EYA3: variants seen among roughly 807,000 people sequenced by gnomAD.
EYA3 encodes protein phosphatase EYA3.
In EYA3, 39 loss-of-function variants were observed where a neutral mutation model predicts 80.0. That is an observed-to-expected ratio of 0.49 (90% confidence interval 0.38 to 0.64). The LOEUF is 0.64. Among genes scored for constraint, EYA3 ranks in the 30% least tolerant of loss-of-function variants. The pLI is 0.00. For missense variants in EYA3, 523 were observed against 676.1 expected (o/e 0.77, Z 2.51); for synonymous variants, 206 against 232.8 (o/e 0.88, Z 1.05).
chr1:28,079,440 A>G (rs1354873539), intron 1 of EYA3, among the ~76,000 whole-genome samples: 1 of 152,194 alleles, frequency 6.6e-6, no homozygotes, highest in Non-Finnish European at 1.5e-5. Flanking sequence ...GACTTGGGCC[A>G]GAAGAGAGCA....
At chr1:28,047,860 C>T (rs1330953555) in intron 3 of EYA3, among the ~76,000 whole-genome samples, 4 of 151,970 alleles carry the variant, frequency 2.6e-5, no homozygotes, top group Admixed American at 6.5e-5. Flanking sequence ...AGGATGGTCT[C>T]GATCTCCTGA....
chr1:28,048,064 T>A (rs1413678508), intron 3 of EYA3, among the ~76,000 whole-genome samples: 5 of 152,224 alleles, frequency 3.3e-5, no homozygotes, highest in Admixed American at 6.5e-5. Context: ...CTGTATATTG[T>A]ACGTCTGACT....
intron 5 of EYA3, 100 bp from the exon 6 acceptor site, chr1:28,035,780 A>G: frequency 9.0e-7 from 1 of 1,113,748 alleles, no homozygotes; most frequent in Non-Finnish European, 1.3e-6. Context: ...AATCTGCAAC[A>G]AGGAGACTAA....
rs1200176592 is a variant in EYA3, at chr1:28,042,589, G to C, written c.139C>G (p.Leu47Val). 1 of 1,613,928 alleles carries C rather than the reference G, an allele frequency of 6.2e-7. No individual in the cohort carries two copies. The highest frequency in any genetic ancestry group is 1.3e-5 in the African/African-American group (1 of 74,928). Residue 47 changes from leucine to valine, a missense_variant, in exon 4 of 18, where the codon CTT becomes GTT. Physicochemically the swap from Leu to Val is conservative, Grantham distance 32 (BLOSUM62 1). Around this residue, in one of 2 missense-constraint regions of EYA3, gnomAD observed 304 missense variants for 343.3 expected, o/e 0.89. Coordinates refer to ENST00000373871, the MANE Select transcript of EYA3 (RefSeq NM_001990.4). ...KPETSSLASN[L>V]PMSEEIMTCT... is the part of the protein sequence containing the mutation. ...TACTTACTTTCCTCTGACATGGGAA[G>C]GTTTGAAGCAAGGCTTGATGTTTCA... is the stretch of plus-strand genomic sequence containing the variant.
rs778665830 is a variant in EYA3 at position 28,035,602 on chromosome 1, C to T, written c.303G>A (p.Gln101=). 2.5e-6 allele frequency: 4 copies of T among 1,613,892 alleles called. No individual in the cohort carries two copies. Among genetic ancestry groups the T allele is most frequent in the African/African-American group, 1.3e-5 (1 of 75,048 alleles). ...GAGGGTAGACAGCATAGGGTTGAGT[C>T]TGCTGTAGTGTCTGGTATTGAGTCT... ...PGQTQYQTLQ[Q]TQPYAVYPQA... is the part of the protein sequence containing the mutation. The change falls in exon 6 of 18, where the codon CAG becomes CAA. Residue 101 remains glutamine, a synonymous_variant. Transcript: ENST00000373871.
intron 16 of EYA3, among the ~76,000 whole-genome samples, chr1:27,984,641 T>C (rs761302230): frequency 4.3e-4 from 66 of 152,346 alleles, no homozygotes; most frequent in Admixed American, 7.2e-4. Context: ...CAGAGGACTT[T>C]TGTCACTGCT....
At chr1:28,030,708 C>T (rs1643092013) in intron 6 of EYA3, among the ~76,000 whole-genome samples, 2 of 152,176 alleles carry the variant, frequency 1.3e-5, no homozygotes, top group South Asian at 2.1e-4. Context: ...GAATTAGAAG[C>T]GTTTGCCCCA....
chr1:28,019,044 T>C (rs1347059541), intron 7 of EYA3, among the ~76,000 whole-genome samples: 2 of 152,188 alleles, frequency 1.3e-5, no homozygotes, highest in African/African-American at 4.8e-5. Context: ...TGTGCACCTG[T>C]AATCCCAGCT....
chr1:28,011,172 C>T (rs1641672530), intron 9 of EYA3, 86 bp from the exon 10 acceptor site: 7 of 1,401,288 alleles, frequency 5.0e-6, no homozygotes, highest in Middle Eastern at 1.8e-4. Context: ...ACTCTCTGCC[C>T]TTGTGAGTCA....
chr1:28,002,807 A>G (rs1482372667), intron 11 of EYA3, among the ~76,000 whole-genome samples: 2 of 151,492 alleles, frequency 1.3e-5, no homozygotes, highest in Non-Finnish European at 2.9e-5. Flanking sequence ...GCGAGATATT[A>G]TCTCAGGAGA....
intron 1 of EYA3, among the ~76,000 whole-genome samples, chr1:28,078,223 G>A (rs529967359): frequency 6.6e-6 from 1 of 152,072 alleles, no homozygotes; most frequent in Non-Finnish European, 1.5e-5. Flanking sequence ...TTAAGATTAC[G>A]GCCCAAATAA....
chr1:28,024,020 C>G (rs540069039), intron 7 of EYA3, among the ~76,000 whole-genome samples: 1 of 152,288 alleles, frequency 6.6e-6, no homozygotes, highest in African/African-American at 2.4e-5. Context: ...AGGCGGATCA[C>G]TTGAGGTGAG....
At chr1:28,017,125 A>C (rs1438973855) in intron 8 of EYA3, 29 bp downstream of exon 8, 1 of 1,578,570 alleles carries the variant, frequency 6.3e-7, no homozygotes, top group Admixed American at 1.7e-5. Context: ...GAACTCTATC[A>C]AACAGGATGA....
chr1:27,998,634 G>A (rs952030055), intron 12 of EYA3, among the ~76,000 whole-genome samples: 9 of 151,774 alleles, frequency 5.9e-5, no homozygotes, highest in Non-Finnish European at 1.0e-4. Flanking sequence ...AGTACTTTGG[G>A]AGGCCAAGGT....
intron 1 of EYA3, among the ~76,000 whole-genome samples, chr1:28,076,043 AAG>A (rs1645188796): frequency 6.6e-6 from 1 of 152,228 alleles, no homozygotes; most frequent in Non-Finnish European, 1.5e-5. Flanking sequence ...GTGTGATCCT[AAG>A]AGAGTCTTTC....
At chr1:28,087,386 G>A (rs1645694180) in intron 1 of EYA3, among the ~76,000 whole-genome samples, 1 of 152,108 alleles carries the variant, frequency 6.6e-6, no homozygotes, top group African/African-American at 2.4e-5. Flanking sequence ...TCTAAGTAAT[G>A]TACTTCTAAG....
chr1:28,047,447 A>G (rs190795595), intron 3 of EYA3, among the ~76,000 whole-genome samples: 116 of 152,284 alleles, frequency 7.6e-4, no homozygotes, highest in Non-Finnish European at 1.5e-3. Flanking sequence ...TGGCAGTTCT[A>G]GAATAAATGA....
At chr1:27,993,736 T>C (rs1454672952) in intron 13 of EYA3, among the ~76,000 whole-genome samples, 176 bp from the exon 14 acceptor site, 2 of 152,182 alleles carry the variant, frequency 1.3e-5, no homozygotes, top group African/African-American at 2.4e-5. Context: ...CTCACACTTA[T>C]TACTTCTATC....
intron 14 of EYA3, chr1:27,990,294 T>C: frequency 5.8e-6 from 1 of 171,980 alleles, no homozygotes. Context: ...TCCCTAGACT[T>C]CATGCAGTAC....
Sources: gnomAD v4.1 joint callset for allele counts (sites outside exome capture counted in the v4.1 genomes callset) on GRCh38, gnomAD v4.1.1 for gene constraint, gnomAD v4.1.1 regional missense constraint, MANE v1.5 for transcripts, NCBI Gene and HGNC (gene_info 2026-07-23, HGNC 2026-07-21) for gene names.